Variants in CTNNA3 observed in about 807,000 individuals in gnomAD.
CTNNA3 encodes catenin alpha 3, also known as catenin alpha-3.
Under a neutral mutation model 95.7 loss-of-function variants are expected in CTNNA3, and 76 were observed. That is an observed-to-expected ratio of 0.79 (90% confidence interval 0.66 to 0.96). The LOEUF (loss-of-function observed/expected upper bound fraction) is 0.96, where lower values mean the gene tolerates loss of function less well. Among genes scored for constraint, CTNNA3 ranks in the 40% least tolerant of loss-of-function variants. The probability of loss-of-function intolerance (pLI) is 0.00; values close to 1 mark genes in which losing one functional copy is unlikely to be tolerated. For missense variants in CTNNA3, 1,191 were observed against 1,089.8 expected (o/e 1.09, Z -1.31); for synonymous variants, 431 against 374.4 (o/e 1.15, Z -1.74).
At chr10:67,567,673 C>T (rs1050384547) in intron 3 of CTNNA3, among the ~76,000 whole-genome samples, 1 of 151,988 alleles carries the variant, frequency 6.6e-6, no homozygotes, top group African/African-American at 2.4e-5. Context: ...GTTATGCCTA[C>T]CAGAGGTAGC....
intron 16 of CTNNA3, among the ~76,000 whole-genome samples, chr10:65,987,444 T>C (rs2078451531): frequency 6.6e-6 from 1 of 152,100 alleles, no homozygotes; most frequent in Non-Finnish European, 1.5e-5. Context: ...CATCATTAAT[T>C]GACAGGAAAA....
At chr10:66,022,938 C>A (rs2079252289) in intron 15 of CTNNA3, among the ~76,000 whole-genome samples, 1 of 152,200 alleles carries the variant, frequency 6.6e-6, no homozygotes, top group South Asian at 2.1e-4. Context: ...GTGAGGACTT[C>A]CCTAAAATAA....
At chr10:66,463,826 C>T (rs56826263) in intron 11 of CTNNA3, among the ~76,000 whole-genome samples, 15,771 of 151,340 alleles carry the variant, frequency 0.1, 1,341 homozygotes, top group East Asian at 0.34. Flanking sequence ...GAACAGAGAA[C>T]GATGCTCTGG....
intron 6 of CTNNA3, among the ~76,000 whole-genome samples, chr10:67,188,105 C>T (rs1447703694): frequency 6.6e-6 from 1 of 152,172 alleles, no homozygotes; most frequent in Non-Finnish European, 1.5e-5. Flanking sequence ...TACGTAACTA[C>T]AATGTGGATG....
chr10:67,145,425 A>T (rs972001747), intron 7 of CTNNA3, among the ~76,000 whole-genome samples: 1 of 132,712 alleles, frequency 7.5e-6, no homozygotes, highest in East Asian at 2.2e-4. Flanking sequence ...ATTATTTTTT[A>T]AATTTTTTTA....
intron 9 of CTNNA3, among the ~76,000 whole-genome samples, chr10:66,764,108 C>A (rs537975749): frequency 6.6e-6 from 1 of 152,198 alleles, no homozygotes; most frequent in South Asian, 2.1e-4. Flanking sequence ...AGAGTGAAAA[C>A]CAGAACTCAA....
At chr10:67,093,316 C>T (rs1254318592) in intron 7 of CTNNA3, among the ~76,000 whole-genome samples, 7 of 151,792 alleles carry the variant, frequency 4.6e-5, no homozygotes, top group African/African-American at 1.7e-4. Flanking sequence ...ATTTGGGTAA[C>T]CTTCAGGTAG....
At chr10:67,601,733 T>C (rs4466711) in intron 3 of CTNNA3, among the ~76,000 whole-genome samples, 74,533 of 152,106 alleles carry the variant, frequency 0.49, 20,692 homozygotes, top group African/African-American at 0.72. Flanking sequence ...TAATACTTTG[T>C]CATTGTATTG....
chr10:66,459,265 G>A (rs1254695535), intron 11 of CTNNA3, among the ~76,000 whole-genome samples: 4 of 152,062 alleles, frequency 2.6e-5, no homozygotes, highest in Non-Finnish European at 5.9e-5. Flanking sequence ...TACAAAATCT[G>A]TGTTAAATGG....
At chr10:66,111,703 T>A (rs1041005577) in intron 13 of CTNNA3, among the ~76,000 whole-genome samples, 2 of 152,162 alleles carry the variant, frequency 1.3e-5, no homozygotes, top group Non-Finnish European at 2.9e-5. Context: ...AAAAATTTCC[T>A]GGGATGTGTC....
chr10:66,219,930 C>G (rs527571683), intron 13 of CTNNA3, among the ~76,000 whole-genome samples: 61 of 152,118 alleles, frequency 4.0e-4, no homozygotes, highest in African/African-American at 1.3e-3. Flanking sequence ...TTGAGACAAG[C>G]CTGGTCAACA....
intron 5 of CTNNA3, among the ~76,000 whole-genome samples, chr10:67,519,623 T>C (rs1022766103): frequency 6.6e-6 from 1 of 152,114 alleles, no homozygotes; most frequent in Non-Finnish European, 1.5e-5. Flanking sequence ...AGTCAGATAC[T>C]GTTAGGAGCA....
chr10:66,659,757 C>G (rs1250912132), intron 9 of CTNNA3, among the ~76,000 whole-genome samples: 2 of 151,992 alleles, frequency 1.3e-5, no homozygotes, highest in Non-Finnish European at 2.9e-5. Context: ...ATCTATGAAC[C>G]AGAAAGTGGG....
At chr10:66,595,192 A>G (rs1326501214) in intron 10 of CTNNA3, among the ~76,000 whole-genome samples, 1 of 152,104 alleles carries the variant, frequency 6.6e-6, no homozygotes, top group African/African-American at 2.4e-5. Context: ...GAATAGACGC[A>G]TTAAAAAGCA....
At chr10:67,080,186 C>A (rs191474379) in intron 7 of CTNNA3, among the ~76,000 whole-genome samples, 1 of 152,136 alleles carries the variant, frequency 6.6e-6, no homozygotes, top group South Asian at 2.1e-4. Flanking sequence ...ATTCCTTTTA[C>A]GTGAGCTACT....
At chr10:66,214,278 T>C (rs1337042965) in intron 13 of CTNNA3, among the ~76,000 whole-genome samples, 1 of 152,144 alleles carries the variant, frequency 6.6e-6, no homozygotes, top group Non-Finnish European at 1.5e-5. Flanking sequence ...TGCTTTTCCT[T>C]CATACAAAAT....
In CTNNA3 at chr10:66,056,336, T is replaced by C. The variant is rs148300373; in HGVS notation, c.2159+12972A>G. ...CTGTTGGTATGATGTATCACACTTA[T>C]TGATTTGCATATGTTGAACCACTGT... On this transcript the variant is annotated intron_variant, in intron 15 of 17. Coordinates refer to ENST00000433211, the MANE Select transcript of CTNNA3 (RefSeq NM_013266.4). Among the ~76,000 whole-genome samples the C allele has an allele frequency of 3.9e-5, 6 of 152,358 alleles. No individual in the cohort carries two copies. The East Asian group carries it at 7.7e-4, about 20-fold the overall frequency.
chr10:66,698,859 A>G (rs10822891), intron 9 of CTNNA3, among the ~76,000 whole-genome samples: 27,150 of 152,130 alleles, frequency 0.18, 3,070 homozygotes, highest in East Asian at 0.34. Context: ...TTTATGCTTC[A>G]AGCAATGTCC....
chr10:66,460,437 T>A (rs779340162), intron 11 of CTNNA3, among the ~76,000 whole-genome samples: 1 of 152,222 alleles, frequency 6.6e-6, no homozygotes, highest in East Asian at 1.9e-4. Context: ...TAAGTTGCGA[T>A]GGGTGGACTG....
Sources: allele counts gnomAD v4.1 joint callset (sites outside exome capture counted in the v4.1 genomes callset), GRCh38; gene constraint gnomAD v4.1.1; transcripts MANE v1.5; gene names NCBI Gene and HGNC (gene_info 2026-07-23, HGNC 2026-07-21).